Variants in CHSY3 observed in about 807,000 individuals in gnomAD.
CHSY3 encodes the protein chondroitin sulfate synthase 3.
In CHSY3, 35 loss-of-function variants were observed where a neutral mutation model predicts 67.2. The observed-to-expected ratio is 0.52, with a 90% confidence interval of 0.40 to 0.69. The LOEUF (loss-of-function observed/expected upper bound fraction) is 0.69, where lower values mean the gene tolerates loss of function less well. CHSY3 is among the 30% of genes least tolerant of loss of function. The pLI is 0.00. For synonymous variants in CHSY3, 474 were observed against 434.7 expected (o/e 1.09, Z -1.12); for missense variants, 1,069 against 1,138.5 (o/e 0.94, Z 0.88).
At chr5:130,182,500 T>C (rs972956027) in intron 2 of CHSY3, among the ~76,000 whole-genome samples, 1 of 152,106 alleles carries the variant, frequency 6.6e-6, no homozygotes, top group Non-Finnish European at 1.5e-5. Flanking sequence ...AACTTTAACA[T>C]AATGTAATGT....
At chr5:130,127,160 G>GT (rs1184694951) in intron 2 of CHSY3, among the ~76,000 whole-genome samples, 1 of 152,166 alleles carries the variant, frequency 6.6e-6, no homozygotes, top group Non-Finnish European at 1.5e-5. Flanking sequence ...CAAAAATGCC[G>GT]TAACATGACT....
chr5:130,094,091 A>G (rs1256946723), intron 2 of CHSY3, among the ~76,000 whole-genome samples: 1 of 152,190 alleles, frequency 6.6e-6, no homozygotes, highest in Non-Finnish European at 1.5e-5. Flanking sequence ...AGGGATAGAC[A>G]GTGGCAGCCC....
chr5:130,089,331 C>T (rs1326298854), intron 2 of CHSY3, among the ~76,000 whole-genome samples: 1 of 150,918 alleles, frequency 6.6e-6, no homozygotes, highest in African/African-American at 2.4e-5. Context: ...ATGTAACTAA[C>T]CTGCACATTG....
At position 130,185,905 on chromosome 5, in the gene CHSY3, T is replaced by C. The variant is rs1052379341; in HGVS notation, c.*114T>C. ...TATTATTATTGTTATAATTTTATTT[T>C]GTTGTCCTGGTCTTAAACTACTCTT... On this transcript the variant is annotated 3_prime_UTR_variant, in exon 3 of 3. Transcript: ENST00000305031. 3 of 598,858 alleles carry C rather than the reference T, an allele frequency of 5.0e-6. No homozygotes were observed. Among genetic ancestry groups the C allele is most frequent in the Admixed American group, 4.2e-5 (1 of 23,832 alleles). 37.1% of individuals were successfully genotyped at this position (598,858 alleles called of 1,614,324 possible).
intron 2 of CHSY3, among the ~76,000 whole-genome samples, chr5:129,993,866 G>A (rs930413698): frequency 6.6e-6 from 1 of 151,668 alleles, no homozygotes; most frequent in Non-Finnish European, 1.5e-5. Context: ...TCCTTTCCAT[G>A]TTTAGTGCTT....
intron 2 of CHSY3, among the ~76,000 whole-genome samples, chr5:129,922,403 GC>G (rs1368681975): frequency 6.6e-6 from 1 of 152,170 alleles, no homozygotes; most frequent in Non-Finnish European, 1.5e-5. Context: ...TTTGGGGGGA[GC>G]CCCCATATTG....
intron 2 of CHSY3, among the ~76,000 whole-genome samples, chr5:129,932,294 A>G (rs1026210721): frequency 2.0e-5 from 3 of 151,948 alleles, no homozygotes; most frequent in African/African-American, 4.8e-5. Context: ...GGGCTCAAGT[A>G]TAACGGCAGT....
rs558843749 is a variant in CHSY3, at chr5:130,007,143, G to A, written c.1086+98783G>A. Among the ~76,000 whole-genome samples, 4 of 152,224 alleles carry A rather than the reference G, an allele frequency of 2.6e-5. No individual in the cohort carries two copies. In the East Asian group the frequency reaches 7.7e-4, roughly 29 times the overall value. On this transcript the variant is annotated intron_variant, in intron 2 of 2. Transcript: ENST00000305031. ...TATTATACCATGTTGTTATGTGTTG[G>A]TTTATACTCAAAGTACTGTTCTAAG...
At chr5:130,062,130 G>A (rs757758459) in intron 2 of CHSY3, among the ~76,000 whole-genome samples, 24 of 151,506 alleles carry the variant, frequency 1.6e-4, no homozygotes, top group Non-Finnish European at 2.5e-4. Context: ...ATAGCAAAGT[G>A]ATAGAACCAA....
chr5:129,921,883 C>T (rs1257313459), intron 2 of CHSY3, among the ~76,000 whole-genome samples: 2 of 151,958 alleles, frequency 1.3e-5, no homozygotes, highest in Non-Finnish European at 2.9e-5. Context: ...TTAAAATATA[C>T]GATGAACTAT....
At chr5:130,070,052 A>G (rs1456056412) in intron 2 of CHSY3, among the ~76,000 whole-genome samples, 1 of 152,096 alleles carries the variant, frequency 6.6e-6, no homozygotes, top group Non-Finnish European at 1.5e-5. Flanking sequence ...AATTAGAAAC[A>G]CAGAAAAGAT....
At chr5:130,085,007 C>G (rs571059112) in intron 2 of CHSY3, among the ~76,000 whole-genome samples, 1 of 151,904 alleles carries the variant, frequency 6.6e-6, no homozygotes, top group Non-Finnish European at 1.5e-5. Flanking sequence ...TTCATGTTAA[C>G]GCTGGTCAGC....
intron 2 of CHSY3, among the ~76,000 whole-genome samples, chr5:129,987,554 C>T (rs1763241729): frequency 6.6e-6 from 1 of 152,090 alleles, no homozygotes; most frequent in Admixed American, 6.6e-5. Flanking sequence ...ATGTAAATCA[C>T]TCATGCTTAA....
chr5:130,048,481 G>A (rs1561512683), intron 2 of CHSY3, among the ~76,000 whole-genome samples: 1 of 151,932 alleles, frequency 6.6e-6, no homozygotes, highest in Non-Finnish European at 1.5e-5. Flanking sequence ...AGCAGGTGCA[G>A]CTGTTTTCTT....
At chr5:130,080,254 G>A (rs7705268) in intron 2 of CHSY3, among the ~76,000 whole-genome samples, 2,232 of 151,988 alleles carry the variant, frequency 0.015, 50 homozygotes, top group African/African-American at 0.05. Flanking sequence ...ATTATACCAT[G>A]TACCCATCTC....
At position 130,164,241 on chromosome 5, in the gene CHSY3, G is replaced by A. The variant is rs996474881; in HGVS notation, c.1087-19988G>A. The stretch of plus-strand genomic sequence containing the variant: ...TCGATGCCCTATAATAAAGATACTT[G>A]TAATAATTCAAACTTGAGCCAGGGT... On this transcript the variant is annotated intron_variant, in intron 2 of 2. Coordinates refer to ENST00000305031, the MANE Select transcript of CHSY3 (RefSeq NM_175856.5). Among the ~76,000 whole-genome samples the A allele has an allele frequency of 9.2e-5, 14 of 152,124 alleles. 1 individual carries two copies. Among genetic ancestry groups the A allele is most frequent in the African/African-American group, 3.1e-4 (13 of 41,412 alleles).
intron 2 of CHSY3, among the ~76,000 whole-genome samples, chr5:130,022,273 A>G (rs1201083439): frequency 3.3e-5 from 5 of 152,080 alleles, no homozygotes; most frequent in Non-Finnish European, 5.9e-5. Flanking sequence ...TGTGAGTCAC[A>G]CTATTCTGTA....
chr5:130,018,983 T>C (rs193269059), intron 2 of CHSY3, among the ~76,000 whole-genome samples: 163 of 152,234 alleles, frequency 1.1e-3, no homozygotes, highest in African/African-American at 3.5e-3. Context: ...TGCCGTGTTT[T>C]GATGCCGCCC....
At chr5:129,998,631 C>A (rs1423335787) in intron 2 of CHSY3, among the ~76,000 whole-genome samples, 1 of 151,942 alleles carries the variant, frequency 6.6e-6, no homozygotes, top group Admixed American at 6.6e-5. Flanking sequence ...TATGAAAAAT[C>A]TTTTTGATTT....
Sources: allele counts gnomAD v4.1 joint callset (sites outside exome capture counted in the v4.1 genomes callset), GRCh38; gene constraint gnomAD v4.1.1; transcripts MANE v1.5; gene names NCBI Gene and HGNC (gene_info 2026-07-23, HGNC 2026-07-21).